Variants in ANKS1B observed in about 807,000 individuals in gnomAD.
The protein encoded by ANKS1B is ankyrin repeat and sterile alpha motif domain-containing protein 1B.
Under a neutral mutation model 148.3 loss-of-function variants are expected in ANKS1B, and 36 were observed. That is an observed-to-expected ratio of 0.24 (90% confidence interval 0.19 to 0.32). The LOEUF is 0.32. Ranked by LOEUF, ANKS1B falls within the 10% of genes least tolerant of loss-of-function variation. ANKS1B has a pLI of 1.00. For synonymous variants in ANKS1B, 542 were observed against 560.8 expected, an observed-to-expected ratio of 0.97 and a Z score of 0.47; for missense variants, 1,157 against 1,542.6, an observed-to-expected ratio of 0.75 and a Z score of 4.19.
intron 11 of ANKS1B, among the ~76,000 whole-genome samples, chr12:99,423,507 T>C (rs992522439): frequency 3.9e-5 from 6 of 152,092 alleles, no homozygotes; most frequent in African/African-American, 1.4e-4. Flanking sequence ...AGAATATAAA[T>C]CTTTCTATCA....
intron 12 of ANKS1B, among the ~76,000 whole-genome samples, chr12:99,295,981 A>T (rs1336395992): frequency 6.6e-6 from 1 of 152,196 alleles, no homozygotes; most frequent in Non-Finnish European, 1.5e-5. Flanking sequence ...TTTCGGCTTT[A>T]TATTTATCTT....
At chr12:99,407,215 T>A (rs114867447) in intron 11 of ANKS1B, among the ~76,000 whole-genome samples, 2,890 of 145,964 alleles carry the variant, frequency 0.02, 504 homozygotes, top group African/African-American at 0.071. Context: ...GATGCAAGGA[T>A]GGTTCAACTT....
At chr12:99,541,417 ATAAT>A (rs1358628169) in intron 9 of ANKS1B, among the ~76,000 whole-genome samples, 1 of 152,202 alleles carries the variant, frequency 6.6e-6, no homozygotes, top group East Asian at 1.9e-4. Context: ...AACATACAAA[ATAAT>A]TATATATCAT....
intron 14 of ANKS1B, among the ~76,000 whole-genome samples, chr12:99,233,450 A>G (rs1028391390): frequency 2.6e-5 from 4 of 152,152 alleles, no homozygotes; most frequent in African/African-American, 7.2e-5. Context: ...CTGAGAGTGC[A>G]TGATGATGTA....
At chr12:99,814,762 T>TATCAA in intron 2 of ANKS1B, among the ~76,000 whole-genome samples, 2 of 151,730 alleles carry the variant, frequency 1.3e-5, no homozygotes, top group Non-Finnish European at 3.0e-5. Context: ...TTCAAACAGT[T>TATCAA]ATGGTGTGAA....
At chr12:99,440,858 A>G (rs2095539070) in intron 11 of ANKS1B, among the ~76,000 whole-genome samples, 1 of 151,858 alleles carries the variant, frequency 6.6e-6, no homozygotes, top group African/African-American at 2.4e-5. Context: ...AAAAGGAACC[A>G]ATTTGCTACA....
downstream of ANKS1B, among the ~76,000 whole-genome samples, chr12:98,739,680 T>C (rs1442723090): frequency 1.3e-5 from 2 of 151,976 alleles, no homozygotes; most frequent in Non-Finnish European, 2.9e-5. Context: ...TGAAAAAAGA[T>C]GCAGCCCCTC....
intron 14 of ANKS1B, among the ~76,000 whole-genome samples, chr12:99,231,342 C>T (rs1245216460): frequency 6.6e-6 from 1 of 152,024 alleles, no homozygotes; most frequent in African/African-American, 2.4e-5. Flanking sequence ...TTTGACCTAA[C>T]AGAAAGAAGA....
intron 14 of ANKS1B, among the ~76,000 whole-genome samples, chr12:99,188,715 T>C (rs1365415523): frequency 6.6e-6 from 1 of 152,202 alleles, no homozygotes; most frequent in African/African-American, 2.4e-5. Context: ...GGGACATTTA[T>C]AGCACTAAAT....
At chr12:99,913,051 G>A (rs115655764) in intron 1 of ANKS1B, among the ~76,000 whole-genome samples, 252 of 152,074 alleles carry the variant, frequency 1.7e-3, no homozygotes, top group African/African-American at 5.7e-3. Context: ...TATTATTCAC[G>A]AGCTACATAT....
At chr12:99,302,802 A>C (rs184613907) in intron 12 of ANKS1B, among the ~76,000 whole-genome samples, 65 of 152,192 alleles carry the variant, frequency 4.3e-4, no homozygotes, top group African/African-American at 1.5e-3. Flanking sequence ...ATACAAACAA[A>C]TTTAGTTTTC....
At chr12:99,850,281 G>GTCTCTCTCTCTCTCTCTCTCTCTCTCTC (rs71436968) in intron 1 of ANKS1B, among the ~76,000 whole-genome samples, 7 of 114,234 alleles carry the variant, frequency 6.1e-5, no homozygotes, top group Admixed American at 1.7e-4. Flanking sequence ...AAGCAAGAAA[G>GTCTCTCTCTCTCTCTCTCTCTCTCTCTC]TCTCTCTCTC....
chr12:99,032,058 G>T (rs1242714199), intron 17 of ANKS1B, among the ~76,000 whole-genome samples: 3 of 152,174 alleles, frequency 2.0e-5, no homozygotes, highest in African/African-American at 7.2e-5. Flanking sequence ...ATTTCCTAAA[G>T]CCTTAATTTC....
rs73381186 is a variant in ANKS1B at position 99,294,130 on chromosome 12, A to G, written c.1757-47266T>C. On this transcript the variant is annotated intron_variant, in intron 12 of 26. Coordinates refer to ENST00000683438, the MANE Select transcript of ANKS1B (RefSeq NM_001352186.2). ...AGAAAAATATGTAGGTTACTAAAAA[A>G]CTACAAATAGAACCACCATATGTTC... is the stretch of plus-strand genomic sequence containing the variant. 5.4e-3 allele frequency among the ~76,000 whole-genome samples: 817 copies of G among 152,312 alleles called. 7 individuals carry two copies. Among genetic ancestry groups the G allele is most frequent in the African/African-American group, 0.019 (786 of 41,578 alleles).
chr12:99,491,192 C>G (rs2096551845), intron 10 of ANKS1B, among the ~76,000 whole-genome samples: 1 of 152,052 alleles, frequency 6.6e-6, no homozygotes, highest in Non-Finnish European at 1.5e-5. Context: ...GTAGTCCCAG[C>G]TACTGGGGAG....
At chr12:99,632,916 C>G (rs1486199702) in intron 9 of ANKS1B, among the ~76,000 whole-genome samples, 1 of 69,316 alleles carries the variant, frequency 1.4e-5, no homozygotes, top group African/African-American at 5.3e-5. Flanking sequence ...CCCCTCCCCC[C>G]ACCCCACCAC....
Position 99,762,654 on chromosome 12 carries a change from T to C in ANKS1B, c.1128+10268A>G, listed in dbSNP as rs111822305. 3.6e-3 allele frequency among the ~76,000 whole-genome samples: 542 copies of C among 152,050 alleles called. 4 individuals carry two copies. Among genetic ancestry groups the C allele is most frequent in the African/African-American group, 0.013 (525 of 41,518 alleles). ...TTCATGATAAAGACTTCAAGAGCAA[T>C]TGCAACAAAAACAAAAATTGACTTA... On this transcript the variant is annotated intron_variant, in intron 8 of 26. Coordinates refer to ENST00000683438, the MANE Select transcript of ANKS1B (RefSeq NM_001352186.2).
At chr12:98,794,714 G>C (rs955628696) in intron 22 of ANKS1B, 2 of 952,090 alleles carry the variant, frequency 2.1e-6, no homozygotes, top group African/African-American at 3.2e-5. Context: ...CCGTAGAAAT[G>C]AACCTATCAA....
At chr12:99,783,385 C>T (rs1031521345) in intron 4 of ANKS1B, among the ~76,000 whole-genome samples, 1 of 151,974 alleles carries the variant, frequency 6.6e-6, no homozygotes, top group South Asian at 2.1e-4. Context: ...TACTGCATAT[C>T]GCTAGCCTGA....
Sources: allele counts gnomAD v4.1 joint callset (sites outside exome capture counted in the v4.1 genomes callset), GRCh38; gene constraint gnomAD v4.1.1; transcripts MANE v1.5; gene names NCBI Gene and HGNC (gene_info 2026-07-23, HGNC 2026-07-21).